The following ESPN variants were observed in gnomAD, a reference collection of about 807,000 sequenced individuals.
ESPN encodes the protein espin, also known as autosomal recessive deafness type 36 protein.
In ESPN, 68 loss-of-function variants were observed where a neutral mutation model predicts 77.7. That is an observed-to-expected ratio of 0.87 (90% CI 0.72 to 1.07). The LOEUF (loss-of-function observed/expected upper bound fraction) is 1.07. Ranked by LOEUF, ESPN falls within the 50% of genes least tolerant of loss-of-function variation. The pLI is 0.00. For missense variants in ESPN, 1,060 were observed against 1,239.0 expected (o/e 0.86, Z 2.17); for synonymous variants, 449 against 567.1 (o/e 0.79, Z 2.96).
chr1:6,436,031 G>T (rs1413949760), intron 2 of ESPN, among the ~76,000 whole-genome samples: 2 of 152,230 alleles, frequency 1.3e-5, no homozygotes, highest in Non-Finnish European at 2.9e-5. Context: ...GGCCCTCCCT[G>T]CAGGTCCTCC....
chr1:6,444,393 C>T (rs1643749781), intron 5 of ESPN, 88 bp from the exon 6 acceptor site: 13 of 1,347,420 alleles, frequency 9.6e-6, no homozygotes, highest in African/African-American at 4.3e-5. Context: ...GATCCCACAG[C>T]GAAGGCATGA....
intron 2 of ESPN, among the ~76,000 whole-genome samples, chr1:6,439,870 G>A (rs1244037543): frequency 1.8e-4 from 27 of 152,160 alleles, no homozygotes; most frequent in Non-Finnish European, 2.8e-4. Flanking sequence ...TTAGCGGGGC[G>A]TGGTGGCACA....
rs186043132 is a variant in ESPN at position 6,450,518 on chromosome 1, G to T, written c.1916-1085G>T. 2.6e-3 allele frequency: 2,430 copies of T among 919,640 alleles called. 48 individuals are homozygous for T. In the African/African-American group the frequency reaches 0.041, roughly 15 times the overall value. The allele number at this position is 919,640 out of a possible 1,614,324, so 57.0% of individuals were successfully genotyped here. ...CCTGGCTGAGGCTGAGGCGCGGGGT[G>T]GGGGGAAGAGGCAGGAAAAGCAAGG... On this transcript the variant is annotated intron_variant, in intron 8 of 12. Transcript: ENST00000645284. The surrounding 1 kb of genome is among the most constrained non-coding windows in gnomAD (Gnocchi z 4.3).
Position 6,450,418 on chromosome 1 carries a change from G to C in ESPN, c.1916-1185G>C. The C allele has an allele frequency of 2.0e-5, 19 of 959,668 alleles. No individual in the cohort carries two copies. Among genetic ancestry groups the C allele is most frequent in the Non-Finnish European group, 2.4e-5 (19 of 806,098 alleles). The allele number at this position is 959,668 out of a possible 1,614,324, so 59.4% of individuals were successfully genotyped here. A position where few individuals can be genotyped will look rare whatever the true frequency, so the allele number is the denominator to read the frequency against. On this transcript the variant is annotated intron_variant, in intron 8 of 12. Transcript: ENST00000645284. This position sits in a 1 kb window ranked among gnomAD's most constrained non-coding sequence, Gnocchi z 4.3. ...GCCCCCCCTCCCTCCTAACTCCGCT[G>C]TCACTTCTCTCCTCTTGGTCCCTAG...
chr1:6,458,830 C>T (rs1201160957), intron 12 of ESPN, among the ~76,000 whole-genome samples: 3 of 151,066 alleles, frequency 2.0e-5, no homozygotes, highest in Admixed American at 6.6e-5. Flanking sequence ...ACTCGGGAGG[C>T]TGAGGCAGCA....
rs1300852248 is a variant in ESPN at position 6,448,772 on chromosome 1, C to T, written c.1596C>T (p.Ala532=). The stretch of plus-strand genomic sequence containing the variant: ...GCCGCTGCCCCGGCGAGACGCTGGC[C>T]GCACGCCCGGGCATGGCGCACAGCG... ...QLGRCPGETL[A]ARPGMAHSEE... is the part of the protein sequence containing the mutation. Residue 532 remains alanine, a synonymous_variant, in exon 8 of 13, where the codon GCC becomes GCT. Transcript: ENST00000645284. 6 of 1,445,292 alleles carry T rather than the reference C, an allele frequency of 4.2e-6. No individual in the cohort carries two copies. In the East Asian group the frequency reaches 1.5e-4, roughly 36 times the overall value. The allele number at this position is 1,445,292 out of a possible 1,614,324, so 89.5% of individuals were successfully genotyped here.
intron 1 of ESPN, among the ~76,000 whole-genome samples, chr1:6,426,370 G>A (rs1370398855): frequency 6.6e-6 from 1 of 152,178 alleles, no homozygotes; most frequent in Non-Finnish European, 1.5e-5. Context: ...GTCCAGCCCT[G>A]GCCAGAAGCC....
At chr1:6,430,518 A>G (rs571866549) in intron 2 of ESPN, among the ~76,000 whole-genome samples, 2 of 152,324 alleles carry the variant, frequency 1.3e-5, no homozygotes, top group South Asian at 4.1e-4. Flanking sequence ...TCATGGGGCC[A>G]AGTCTTCCCA....
chr1:6,425,466 G>A (rs976612266), intron 1 of ESPN, among the ~76,000 whole-genome samples: 36 of 152,250 alleles, frequency 2.4e-4, no homozygotes, highest in African/African-American at 8.7e-4. Flanking sequence ...CTCCCTGGAA[G>A]CGCACCTGGG....
At chr1:6,445,260 TGA>T (rs1419371861) in intron 6 of ESPN, among the ~76,000 whole-genome samples, 13 of 152,264 alleles carry the variant, frequency 8.5e-5, no homozygotes, top group African/African-American at 3.1e-4. Context: ...GACCGTGCCC[TGA>T]GCATGGGCGT....
chr1:6,438,794 G>A (rs6661999), intron 2 of ESPN, among the ~76,000 whole-genome samples: 42 of 152,374 alleles, frequency 2.8e-4, no homozygotes, highest in Non-Finnish European at 4.6e-4. Context: ...TGCCTTACCG[G>A]TGTAATCTCA....
chr1:6,444,763 G>C (rs6664393), intron 6 of ESPN, 81 bp downstream of exon 6: 711 of 1,516,502 alleles, frequency 4.7e-4, no homozygotes, highest in East Asian at 3.8e-3. Flanking sequence ...GCCTTGGGCC[G>C]CCCTGCCACA....
intron 2 of ESPN, among the ~76,000 whole-genome samples, chr1:6,430,800 G>T (rs949388439): frequency 6.6e-6 from 1 of 152,124 alleles, no homozygotes; most frequent in Non-Finnish European, 1.5e-5. Flanking sequence ...AAAAAAAAAG[G>T]CATCTCTCAG....
rs997736303 is a variant in ESPN, at chr1:6,440,238, C to A, written c.489-16C>A. 5.8e-6 allele frequency: 9 copies of A among 1,547,234 alleles called. No homozygotes were observed. The African/African-American group carries it at 1.1e-4, about 19-fold the overall frequency. On this transcript the variant is annotated splice_polypyrimidine_tract_variant and intron_variant, in intron 2 of 12. Coordinates refer to ENST00000645284, the MANE Select transcript of ESPN (RefSeq NM_031475.3). ...TGAGGCGCTGAAAGCCCACGGTGGG[C>A]GCTGTGTCTCCGCAGGGGAGTGAAT...
At chr1:6,456,933 C>T (rs1299279982) in intron 10 of ESPN, among the ~76,000 whole-genome samples, 1 of 152,236 alleles carries the variant, frequency 6.6e-6, no homozygotes, top group East Asian at 1.9e-4. Flanking sequence ...GTCCCAGCTA[C>T]TTGTTCTCTG....
Position 6,440,611 on chromosome 1 carries a change from GC to G in ESPN, c.676-12del. On this transcript the variant is annotated splice_polypyrimidine_tract_variant and intron_variant, in intron 3 of 12. Coordinates refer to ENST00000645284, the MANE Select transcript of ESPN (RefSeq NM_031475.3). ...GCCCAGCCCCCGCCCCCCTCTCCCC[GC>G]CCGTCCCGCCCAGGTGAGCTGCACC... The G allele has an allele frequency of 1.5e-6, 1 of 677,128 alleles. No individual in the cohort carries two copies. The highest frequency in any genetic ancestry group is 3.6e-5 in the Admixed American group (1 of 27,572). 41.9% of individuals were successfully genotyped at this position (677,128 alleles called of 1,614,324 possible).
At position 6,440,606 on chromosome 1, in the gene ESPN, T is replaced by TGCCCCCCCCCCCCC; in HGVS notation, c.676-20_676-19insGCCCCCCCCCCCCC. 1.1e-6 allele frequency: 1 copy of TGCCCCCCCCCCCCC among 870,486 alleles called. No homozygotes were observed. The highest frequency in any genetic ancestry group is 1.7e-6 in the Non-Finnish European group (1 of 588,348). 53.9% of individuals were successfully genotyped at this position (870,486 alleles called of 1,614,324 possible). On this transcript the variant is annotated intron_variant, in intron 3 of 12. Coordinates refer to ENST00000645284, the MANE Select transcript of ESPN (RefSeq NM_031475.3). The stretch of plus-strand genomic sequence containing the variant: ...CTGGCGCCCAGCCCCCGCCCCCCTC[T>TGCCCCCCCCCCCCC]CCCCGCCCGTCCCGCCCAGGTGAGC...
rs141387813 is a variant in ESPN at position 6,452,904 on chromosome 1, A to ATTTTTT, written c.2325+809_2325+814dup. Among the ~76,000 whole-genome samples, 63 of 150,964 alleles carry ATTTTTT rather than the reference A, an allele frequency of 4.2e-4. 1 individual carries two copies. The highest frequency in any genetic ancestry group is 1.2e-3 in the African/African-American group (49 of 40,656). ...CAAATGCCATTTATTTTTATTTTTT[A>ATTTTTT]TTTTTTGAGACAGGGTCTCACTCTG... On this transcript the variant is annotated intron_variant, in intron 10 of 12. Coordinates refer to ENST00000645284, the MANE Select transcript of ESPN (RefSeq NM_031475.3).
chr1:6,443,836 AG>A (rs1167488209), intron 5 of ESPN, among the ~76,000 whole-genome samples: 2 of 152,192 alleles, frequency 1.3e-5, no homozygotes, highest in East Asian at 3.9e-4. Flanking sequence ...TGCCGGCAGC[AG>A]GGGCAGCATG....
Sources: gnomAD v4.1 joint callset for allele counts (sites outside exome capture counted in the v4.1 genomes callset) on GRCh38, gnomAD v4.1.1 for gene constraint, Gnocchi (gnomAD v3.1) non-coding constraint, MANE v1.5 for transcripts, NCBI Gene and HGNC (gene_info 2026-07-23, HGNC 2026-07-21) for gene names.